The following PDE9A variants were observed in gnomAD, a reference collection of about 807,000 sequenced individuals.
PDE9A encodes the protein phosphodiesterase 9A.
PDE9A carries 60 observed loss-of-function variants against 87.4 expected under a neutral mutation model. The ratio of observed to expected loss-of-function variants is 0.69; its 90% CI spans 0.56 to 0.85. The LOEUF is 0.85. Ranked by LOEUF, PDE9A falls within the 40% of genes least tolerant of loss-of-function variation. The pLI is 0.00. For missense variants in PDE9A, 665 were observed against 779.0 expected (o/e 0.85, Z 1.74); for synonymous variants, 272 against 279.4 (o/e 0.97, Z 0.27).
intron 17 of PDE9A, among the ~76,000 whole-genome samples, chr21:42,769,547 TGCACACACAG>T (rs1434505867): frequency 1.0e-5 from 1 of 96,254 alleles, no homozygotes; most frequent in Non-Finnish European, 1.9e-5. Flanking sequence ...GGCACACAAA[TGCACACACAG>T]GCACACACAC....
rs118037226 is a variant in PDE9A, at chr21:42,677,312, T to C, written c.70-8880T>C. On this transcript the variant is annotated intron_variant, in intron 1 of 19. Coordinates refer to ENST00000291539, the MANE Select transcript of PDE9A (RefSeq NM_002606.3). ...GATAACAGCAAGACAATGAACATAA[T>C]TGCATGTTTTACAACAACCAACCTC... Among the ~76,000 whole-genome samples, 30 of 152,334 alleles carry C rather than the reference T, an allele frequency of 2.0e-4. No individual in the cohort carries two copies. In the East Asian group the frequency reaches 5.0e-3, roughly 25 times the overall value.
Position 42,706,643 on chromosome 21 carries a change from CA to C in PDE9A, c.262+7645del, listed in dbSNP as rs71332369. Among the ~76,000 whole-genome samples, 76 of 144,176 alleles carry C rather than the reference CA, an allele frequency of 5.3e-4. 1 individual carries two copies. The highest frequency in any genetic ancestry group is 4.9e-4 in the Non-Finnish European group (32 of 65,310). The allele number at this position is 144,176 out of a possible 152,430, so 94.6% of individuals were successfully genotyped here. A position where few individuals can be genotyped will look rare whatever the true frequency, so the allele number is the denominator to read the frequency against. ...TGGGTGACACAGTGAGACTCTATCTCAAAAAAAAAAAAATTGTACAACCTCA... is the reference window on the plus strand; with the variant it reads ...TGGGTGACACAGTGAGACTCTATCTCAAAAAAAAAAAATTGTACAACCTCA... On this transcript the variant is annotated intron_variant, in intron 4 of 19. Coordinates refer to ENST00000291539, the MANE Select transcript of PDE9A (RefSeq NM_002606.3).
At chr21:42,665,853 C>T (rs146206305) in intron 1 of PDE9A, among the ~76,000 whole-genome samples, 181 of 152,286 alleles carry the variant, frequency 1.2e-3, no homozygotes, top group African/African-American at 4.0e-3. Context: ...TCGGCTGGGC[C>T]AGGGATGAAG....
At chr21:42,745,788 G>T (rs945236280) in intron 8 of PDE9A, among the ~76,000 whole-genome samples, 1 of 152,210 alleles carries the variant, frequency 6.6e-6, no homozygotes, top group Non-Finnish European at 1.5e-5. Context: ...CTGGGGCTGC[G>T]GGTGTAGCAG....
intron 9 of PDE9A, among the ~76,000 whole-genome samples, chr21:42,752,222 G>A (rs1307972192): frequency 6.6e-6 from 1 of 152,154 alleles, no homozygotes; most frequent in Non-Finnish European, 1.5e-5. Context: ...TATCCACGCA[G>A]TTCCAAACAA....
chr21:42,723,685 C>T lies in PDE9A; in HGVS notation c.263-8085C>T, dbSNP rs961865968. Reference sequence around the variant, plus strand: ...GAACATGTGAGTTGTCTGTGAATATCAGCTTGCTCTCCCTAGGTTTCCATC... The same window carrying T: ...GAACATGTGAGTTGTCTGTGAATATTAGCTTGCTCTCCCTAGGTTTCCATC... On this transcript the variant is annotated intron_variant, in intron 4 of 19. Transcript: ENST00000291539. The surrounding 1 kb of genome is among the most constrained non-coding windows in gnomAD (Gnocchi z 4.3). Among the ~76,000 whole-genome samples the T allele has an allele frequency of 2.6e-5, 4 of 152,292 alleles. No individual in the cohort carries two copies. Among genetic ancestry groups the T allele is most frequent in the African/African-American group, 4.8e-5 (2 of 41,564 alleles).
chr21:42,775,066 C>T (rs556061135), intron 19 of PDE9A, among the ~76,000 whole-genome samples: 3 of 151,560 alleles, frequency 2.0e-5, no homozygotes, highest in Admixed American at 6.6e-5. Context: ...CTCAGCCTCC[C>T]GAGTAGCTGG....
rs2048686612 is a variant in PDE9A, at chr21:42,704,771, T to G, written c.262+5760T>G. Among the ~76,000 whole-genome samples the G allele has an allele frequency of 6.8e-6, 1 of 146,734 alleles. No individual in the cohort carries two copies. Among genetic ancestry groups the G allele is most frequent in the Admixed American group, 6.8e-5 (1 of 14,752 alleles). Reference sequence around the variant, plus strand: ...CAGGGGGTGGGGGGTGGGGGCAGGGTGCAGGGAGGCCAACGCCACACAGCC... The same window carrying G: ...CAGGGGGTGGGGGGTGGGGGCAGGGGGCAGGGAGGCCAACGCCACACAGCC... On this transcript the variant is annotated intron_variant, in intron 4 of 19. Transcript: ENST00000291539. This position sits in a 1 kb window ranked among gnomAD's most constrained non-coding sequence, Gnocchi z 5.3.
chr21:42,713,129 CTTGTTT>C (rs58212770), intron 4 of PDE9A, among the ~76,000 whole-genome samples: 69 of 151,386 alleles, frequency 4.6e-4, no homozygotes, highest in Admixed American at 1.2e-3. Context: ...TATGTATTGA[CTTGTTT>C]TTGTTTTTGT....
At chr21:42,673,317 G>A (rs2247575) in intron 1 of PDE9A, among the ~76,000 whole-genome samples, 59,123 of 151,990 alleles carry the variant, frequency 0.39, 14,689 homozygotes, top group African/African-American at 0.71. Context: ...GATCCTAGAG[G>A]TAAGAGACAG....
Position 42,722,061 on chromosome 21 carries a change from C to T in PDE9A, c.263-9709C>T, listed in dbSNP as rs959045497. Among the ~76,000 whole-genome samples, 4 of 151,918 alleles carry T rather than the reference C, an allele frequency of 2.6e-5. No homozygotes were observed. Among genetic ancestry groups the T allele is most frequent in the African/African-American group, 7.3e-5 (3 of 41,350 alleles). On this transcript the variant is annotated intron_variant, in intron 4 of 19. Coordinates refer to ENST00000291539, the MANE Select transcript of PDE9A (RefSeq NM_002606.3). This position sits in a 1 kb window ranked among gnomAD's most constrained non-coding sequence, Gnocchi z 4.1. ...CACAATCTCAGCTCACTGCAACCTC[C>T]GACTCCCTGGTTCAAGTGATTCTCC...
intron 10 of PDE9A, among the ~76,000 whole-genome samples, 174 bp downstream of exon 10, chr21:42,754,238 A>G (rs1000158099): frequency 1.3e-5 from 2 of 151,954 alleles, no homozygotes; most frequent in African/African-American, 2.4e-5. Context: ...ACTAACTAAC[A>G]CTTTATAGCA....
In PDE9A at chr21:42,746,665, A is replaced by T. The variant is rs111355179; in HGVS notation, c.653+2805A>T. ...TTCAACATACAACTTTTGGGGGGAG[A>T]TGTACTTCAGCCCATAACACACCAC... On this transcript the variant is annotated intron_variant, in intron 8 of 19. Coordinates refer to ENST00000291539, the MANE Select transcript of PDE9A (RefSeq NM_002606.3). 1.9e-3 allele frequency among the ~76,000 whole-genome samples: 287 copies of T among 152,282 alleles called. 2 individuals are homozygous for T. The highest frequency in any genetic ancestry group is 6.6e-3 in the African/African-American group (273 of 41,558).
At chr21:42,684,267 C>T (rs1236163922) in intron 1 of PDE9A, among the ~76,000 whole-genome samples, 1 of 152,250 alleles carries the variant, frequency 6.6e-6, no homozygotes, top group Non-Finnish European at 1.5e-5. Context: ...TTCTTCCACC[C>T]CTGCCCTCTG....
At chr21:42,751,883 A>G (rs7279349) in intron 9 of PDE9A, among the ~76,000 whole-genome samples, 99,590 of 151,796 alleles carry the variant, frequency 0.66, 33,062 homozygotes, top group East Asian at 0.86. Flanking sequence ...AGTAGGGGGC[A>G]TTACAGGTGC....
chr21:42,720,423 G>A (rs1440667891), intron 4 of PDE9A, among the ~76,000 whole-genome samples: 2 of 152,130 alleles, frequency 1.3e-5, no homozygotes, highest in Non-Finnish European at 2.9e-5. Context: ...GAACCTGGGA[G>A]GCGGAGGTTG....
intron 1 of PDE9A, among the ~76,000 whole-genome samples, chr21:42,670,455 C>T (rs937080634): frequency 6.8e-6 from 1 of 148,076 alleles, no homozygotes; most frequent in East Asian, 1.9e-4. Flanking sequence ...TACACAGTCA[C>T]ACAGACTTGC....
chr21:42,706,903 C>T (rs893883993), intron 4 of PDE9A, among the ~76,000 whole-genome samples: 2 of 152,132 alleles, frequency 1.3e-5, no homozygotes, highest in African/African-American at 2.4e-5. Flanking sequence ...GTGTTGCAGG[C>T]TCCCCGCGTT....
chr21:42,666,697 C>T (rs1306022890), intron 1 of PDE9A, among the ~76,000 whole-genome samples: 8 of 152,164 alleles, frequency 5.3e-5, no homozygotes, highest in Admixed American at 5.2e-4. Flanking sequence ...CTCGGCGCCT[C>T]GTTTTACAAG....
Sources: allele counts gnomAD v4.1 joint callset (sites outside exome capture counted in the v4.1 genomes callset), GRCh38; gene constraint gnomAD v4.1.1; non-coding constraint Gnocchi (gnomAD v3.1); transcripts MANE v1.5; gene names NCBI Gene and HGNC (gene_info 2026-07-23, HGNC 2026-07-21).